ACOT7: variants seen among roughly 807,000 people sequenced by gnomAD.
ACOT7 encodes acyl-CoA thioesterase 7.
Under a neutral mutation model 40.2 loss-of-function variants are expected in ACOT7, and 12 were observed. That is an observed-to-expected ratio of 0.30 (90% CI 0.19 to 0.48). The LOEUF (loss-of-function observed/expected upper bound fraction) is 0.48, where lower values mean the gene tolerates loss of function less well. ACOT7 is among the 20% of genes least tolerant of loss of function. The pLI is 0.99. For missense variants in ACOT7, 395 were observed against 530.8 expected (o/e 0.74, Z 2.51); for synonymous variants, 228 against 219.5 (o/e 1.04, Z -0.34).
intron 1 of ACOT7, among the ~76,000 whole-genome samples, chr1:6,366,029 G>C (rs1571346012): frequency 6.6e-6 from 1 of 151,910 alleles, no homozygotes; most frequent in East Asian, 2.0e-4. Flanking sequence ...CAAGTAGCTA[G>C]GATTACAGGC....
intron 7 of ACOT7, among the ~76,000 whole-genome samples, chr1:6,290,358 C>T (rs899331756): frequency 1.3e-5 from 2 of 152,198 alleles, no homozygotes; most frequent in Admixed American, 1.3e-4. Context: ...GTCTCAACTC[C>T]TGGGCTTTTC....
chr1:6,317,000 C>T (rs1173298575), intron 6 of ACOT7, among the ~76,000 whole-genome samples: 2 of 152,116 alleles, frequency 1.3e-5, no homozygotes, highest in African/African-American at 2.4e-5. Flanking sequence ...AGAGTGGTGT[C>T]GTTTGAGCTG....
At chr1:6,268,773 A>G (rs937387801) in intron 8 of ACOT7, among the ~76,000 whole-genome samples, 1 of 152,264 alleles carries the variant, frequency 6.6e-6, no homozygotes. Flanking sequence ...CACACGCAGC[A>G]GTGGAGCGGA....
intron 8 of ACOT7, among the ~76,000 whole-genome samples, chr1:6,272,242 GATGAATGAATGA>G (rs111930372): frequency 9.2e-5 from 14 of 152,236 alleles, no homozygotes; most frequent in Non-Finnish European, 2.1e-4. Flanking sequence ...TTGCTGGATG[GATGAATGAATGA>G]ATGAATGAAT....
Position 6,346,516 on chromosome 1 carries a change from A to G in ACOT7, c.261+3233T>C, listed in dbSNP as rs916245135. Among the ~76,000 whole-genome samples, 31 of 152,308 alleles carry G rather than the reference A, an allele frequency of 2.0e-4. No individual in the cohort carries two copies. In the South Asian group the frequency reaches 2.5e-3, roughly 12 times the overall value. On this transcript the variant is annotated intron_variant, in intron 2 of 8. Coordinates refer to ENST00000361521, the MANE Select transcript of ACOT7 (RefSeq NM_007274.4). The stretch of plus-strand genomic sequence containing the variant: ...GAAAAGCCAATGTGGCCAGAGGGAG[A>G]GTTGAGAAAGAGATGTAGGAGGTGA...
intron 1 of ACOT7, among the ~76,000 whole-genome samples, chr1:6,373,071 T>C (rs746682893): frequency 1.2e-4 from 18 of 152,228 alleles, no homozygotes; most frequent in Non-Finnish European, 2.6e-4. Flanking sequence ...TGGTTCGTGA[T>C]GTCTCAAAAC....
At chr1:6,305,731 C>T (rs1194136621) in intron 6 of ACOT7, among the ~76,000 whole-genome samples, 1 of 150,168 alleles carries the variant, frequency 6.7e-6, no homozygotes, top group East Asian at 1.9e-4. Flanking sequence ...AGAGGCTCCT[C>T]ACATCCCAGA....
intron 5 of ACOT7, among the ~76,000 whole-genome samples, chr1:6,325,082 C>T (rs1291819654): frequency 2.0e-5 from 3 of 152,244 alleles, no homozygotes; most frequent in East Asian, 3.8e-4. Flanking sequence ...TGTTGATAAA[C>T]TGGCTGTTTA....
Position 6,379,800 on chromosome 1 carries a change from C to T in ACOT7, c.143+13457G>A, listed in dbSNP as rs181832629. Among the ~76,000 whole-genome samples the T allele has an allele frequency of 2.0e-5, 3 of 151,670 alleles. No individual in the cohort carries two copies. The East Asian group carries it at 5.8e-4, about 29-fold the overall frequency. On this transcript the variant is annotated intron_variant, in intron 1 of 8. Coordinates refer to ENST00000361521, the MANE Select transcript of ACOT7 (RefSeq NM_007274.4). ...AAAGAAAATAGGCCAGGTGTGGTGG[C>T]CTATAATCCCAGCAATTTGAGAGAC...
intron 1 of ACOT7, among the ~76,000 whole-genome samples, chr1:6,350,987 A>G (rs1358451082): frequency 6.6e-6 from 1 of 152,144 alleles, no homozygotes; most frequent in Non-Finnish European, 1.5e-5. Context: ...TCACTCCACA[A>G]CAGCGCTGGC....
intron 1 of ACOT7, among the ~76,000 whole-genome samples, chr1:6,382,155 T>G (rs1642350574): frequency 6.7e-6 from 1 of 148,960 alleles, no homozygotes; most frequent in Non-Finnish European, 1.5e-5. Context: ...GGCTCACGCG[T>G]GTAATCCCAA....
At chr1:6,297,304 C>T (rs1263562336) in intron 6 of ACOT7, among the ~76,000 whole-genome samples, 1 of 152,158 alleles carries the variant, frequency 6.6e-6, no homozygotes, top group Non-Finnish European at 1.5e-5. Flanking sequence ...TCCCAAAGTG[C>T]TGGGATTACA....
chr1:6,393,345 G>GGGCGCAGGTGTCTGGCAGGCCC lies in ACOT7; in HGVS notation c.33_54dup (p.Leu19GlyfsTer43), dbSNP rs1642567545. 4.0e-6 allele frequency: 5 copies of GGGCGCAGGTGTCTGGCAGGCCC among 1,251,708 alleles called. No homozygotes were observed. The highest frequency in any genetic ancestry group is 5.0e-6 in the Non-Finnish European group (5 of 997,684). The allele number at this position is 1,251,708 out of a possible 1,614,324, so 77.5% of individuals were successfully genotyped here. On this transcript the variant is annotated frameshift_variant, in exon 1 of 9. Coordinates refer to ENST00000361521, the MANE Select transcript of ACOT7 (RefSeq NM_007274.4). LOFTEE classifies it high-confidence loss of function. ...GCGGATGCGGCGGGCGGCTGCAGAA[G>GGGCGCAGGTGTCTGGCAGGCCC]GGCGCAGGTGTCTGGCAGGCCCGGC...
At chr1:6,387,934 G>GTTT (rs557741543) in intron 1 of ACOT7, among the ~76,000 whole-genome samples, 3,526 of 139,096 alleles carry the variant, frequency 0.025, 72 homozygotes, top group African/African-American at 0.058. Flanking sequence ...CAGGTTCTTT[G>GTTT]TTTTTTTTTT....
chr1:6,361,309 G>C (rs144467130), intron 1 of ACOT7, among the ~76,000 whole-genome samples: 4 of 152,280 alleles, frequency 2.6e-5, no homozygotes, highest in Admixed American at 6.5e-5. Flanking sequence ...GTCAGCTGGT[G>C]GGGGGCAGGG....
chr1:6,326,843 A>T (rs948091874), intron 5 of ACOT7, among the ~76,000 whole-genome samples: 1 of 151,856 alleles, frequency 6.6e-6, no homozygotes. Context: ...GAGGCAGGAG[A>T]ATCACTTGAA....
intron 5 of ACOT7, among the ~76,000 whole-genome samples, chr1:6,325,218 G>A (rs1279949657): frequency 6.6e-6 from 1 of 152,176 alleles, no homozygotes; most frequent in Non-Finnish European, 1.5e-5. Flanking sequence ...CTAATACGGT[G>A]AAACCCCATC....
Position 6,327,282 on chromosome 1 carries a change from G to A in ACOT7, c.625+17C>T. Reference sequence around the variant, plus strand: ...CGGTGAGGAGTGGCACCTGCTGCTGGTGTCCGCGGCTCTTACCTGGGTTGA... The same window carrying A: ...CGGTGAGGAGTGGCACCTGCTGCTGATGTCCGCGGCTCTTACCTGGGTTGA... On this transcript the variant is annotated intron_variant, in intron 5 of 8. Transcript: ENST00000361521. The A allele has an allele frequency of 6.2e-7, 1 of 1,613,098 alleles. No individual in the cohort carries two copies. The highest frequency in any genetic ancestry group is 8.5e-7 in the Non-Finnish European group (1 of 1,179,208).
At chr1:6,264,861 T>C (rs1173637683) in intron 8 of ACOT7, among the ~76,000 whole-genome samples, 166 bp from the exon 9 acceptor site, 1 of 151,190 alleles carries the variant, frequency 6.6e-6, no homozygotes. Context: ...GACTGCCGGG[T>C]AGCCCAGGCA....
Sources: gnomAD v4.1 joint callset for allele counts (sites outside exome capture counted in the v4.1 genomes callset) on GRCh38, gnomAD v4.1.1 for gene constraint, MANE v1.5 for transcripts, NCBI Gene and HGNC (gene_info 2026-07-23, HGNC 2026-07-21) for gene names.